HMCN2: variants seen among roughly 807,000 people sequenced by gnomAD.
HMCN2 encodes the protein hemicentin 2.
HMCN2 carries 325 observed loss-of-function variants against 377.5 expected under a neutral mutation model. That is an observed-to-expected ratio of 0.86 (90% CI 0.79 to 0.94). The LOEUF (loss-of-function observed/expected upper bound fraction) is 0.94. Ranked by LOEUF, HMCN2 falls within the 40% of genes least tolerant of loss-of-function variation. The pLI, the probability that HMCN2 is intolerant of heterozygous loss-of-function variation, is 0.00. For synonymous variants in HMCN2, 2,007 were observed against 2,046.8 expected (o/e 0.98, Z 0.53); for missense variants, 4,543 against 4,725.3 (o/e 0.96, Z 1.13).
Position 130,383,551 on chromosome 9 carries a change from C to G in HMCN2, c.8781C>G (p.Ala2927=). 1 of 986,012 alleles carries G rather than the reference C, an allele frequency of 1.0e-6. No individual in the cohort carries two copies. Among genetic ancestry groups the G allele is most frequent in the Non-Finnish European group, 1.2e-6 (1 of 830,060 alleles). 61.1% of individuals were successfully genotyped at this position (986,012 alleles called of 1,614,324 possible). Residue 2927 remains alanine (A), a synonymous_variant, in exon 57 of 98, where the codon GCC becomes GCG. Transcript: ENST00000683500. Reference sequence around the variant, plus strand: ...ACGCCGCCAGCTACATGTGTGTGGCCGAGAACCAGGCGGGCTCCGCTGAGA... The same window carrying G: ...ACGCCGCCAGCTACATGTGTGTGGCGGAGAACCAGGCGGGCTCCGCTGAGA... ...VADAASYMCV[A]ENQAGSAEKL...
chr9:130,289,626 A>G (rs1835630586), intron 4 of HMCN2, among the ~76,000 whole-genome samples: 1 of 152,030 alleles, frequency 6.6e-6, no homozygotes, highest in Non-Finnish European at 1.5e-5. Context: ...GGGAGAGAGG[A>G]AGCCCTTGGT....
chr9:130,349,050 G>A lies in HMCN2; in HGVS notation c.4222G>A (p.Glu1408Lys). 1 of 1,304,222 alleles carries A rather than the reference G, an allele frequency of 7.7e-7. No homozygotes were observed. Among genetic ancestry groups the A allele is most frequent in the Non-Finnish European group, 1.0e-6 (1 of 988,920 alleles). 80.8% of individuals were successfully genotyped at this position (1,304,222 alleles called of 1,614,324 possible). A position where few individuals can be genotyped will look rare whatever the true frequency, so the allele number is the denominator to read the frequency against. Residue 1408 changes from glutamate (E) to lysine (K), a missense_variant, in exon 28 of 98, where the codon GAG becomes AAG. Coordinates refer to ENST00000683500, the MANE Select transcript of HMCN2 (RefSeq NM_001291815.2). Reference sequence around the variant, plus strand: ...GTCCCTCCACTTCCCCAGGATCCAGGAGGGTGATTCTGGGCTCTACTCCTG... The same window carrying A: ...GTCCCTCCACTTCCCCAGGATCCAGAAGGGTGATTCTGGGCTCTACTCCTG... ...GQSLHFPRIQEGDSGLYSCRA... is the reference protein window; with the variant it reads ...GQSLHFPRIQKGDSGLYSCRA...
At chr9:130,278,437 T>C (rs1334544228) in intron 1 of HMCN2, among the ~76,000 whole-genome samples, 2 of 151,830 alleles carry the variant, frequency 1.3e-5, no homozygotes, top group African/African-American at 2.4e-5. Context: ...ATCATTGTTT[T>C]TGGAGGCAGT....
In HMCN2 at chr9:130,349,032, C is replaced by T. The variant is rs1244120586; in HGVS notation, c.4204C>T (p.His1402Tyr). Residue 1402 changes from histidine (H) to tyrosine (Y), a missense_variant, in exon 28 of 98, where the codon CAC (histidine) becomes TAC (tyrosine). This residue lies in a region of HMCN2 where 1,032 missense variants were observed against 1,285.1 expected (regional missense o/e 0.80). Coordinates refer to ENST00000683500, the MANE Select transcript of HMCN2 (RefSeq NM_001291815.2). ...HRLLDEGQSL[H>Y]FPRIQEGDSG... ...CCTCCTGGACGAGGGCCAGTCCCTC[C>T]ACTTCCCCAGGATCCAGGAGGGTGA... The T allele has an allele frequency of 1.5e-6, 2 of 1,304,130 alleles. No individual in the cohort carries two copies. Among genetic ancestry groups the T allele is most frequent in the Admixed American group, 2.3e-5 (1 of 43,554 alleles). 80.8% of individuals were successfully genotyped at this position (1,304,130 alleles called of 1,614,324 possible). A position where few individuals can be genotyped will look rare whatever the true frequency, so the allele number is the denominator to read the frequency against.
chr9:130,270,435 C>T (rs1195829161), intron 1 of HMCN2, among the ~76,000 whole-genome samples: 5 of 147,740 alleles, frequency 3.4e-5, no homozygotes, highest in African/African-American at 7.3e-5. Context: ...GGCTCAGTGG[C>T]TCACACTTGT....
intron 1 of HMCN2, among the ~76,000 whole-genome samples, chr9:130,278,905 T>TC (rs1193137317): frequency 1.3e-5 from 2 of 150,274 alleles, no homozygotes; most frequent in Non-Finnish European, 3.0e-5. Flanking sequence ...CTTTTTCTTT[T>TC]TTTTTTTTTT....
intron 4 of HMCN2, among the ~76,000 whole-genome samples, 193 bp from the exon 5 acceptor site, chr9:130,294,662 T>C (rs1588188872): frequency 1.3e-5 from 2 of 152,264 alleles, no homozygotes; most frequent in East Asian, 3.9e-4. Flanking sequence ...TCCGAATGCC[T>C]CAATTCAGGC....
At position 130,343,165 on chromosome 9, in the gene HMCN2, C is replaced by T. The variant is rs1287375780; in HGVS notation, c.3829+729C>T. Among the ~76,000 whole-genome samples, 5 of 152,176 alleles carry T rather than the reference C, an allele frequency of 3.3e-5. No individual in the cohort carries two copies. The East Asian group carries it at 9.6e-4, about 29-fold the overall frequency. The stretch of plus-strand genomic sequence containing the variant: ...TCTGCCTTTTTGTGAACCCCACGGC[C>T]CCACCCAGAAGATCCCTCCTCAGCC... On this transcript the variant is annotated intron_variant, in intron 25 of 97. Coordinates refer to ENST00000683500, the MANE Select transcript of HMCN2 (RefSeq NM_001291815.2).
Position 130,354,860 on chromosome 9 carries a change from G to A in HMCN2, c.4962G>A (p.Pro1654=), listed in dbSNP as rs1003728999. ...TGGAGTGCGTGGCCAGAGGCCACCC[G>A]TCCCCCACCCTCTCCTGGCACCACG... is the stretch of plus-strand genomic sequence containing the variant. The part of the protein sequence containing the change: ...VALECVARGH[P]SPTLSWHHEG... Residue 1654 remains proline (P), a synonymous_variant, in exon 32 of 98, where the codon CCG becomes CCA. Transcript: ENST00000683500. 39 of 1,304,142 alleles carry A rather than the reference G, an allele frequency of 3.0e-5. No homozygotes were observed. Among genetic ancestry groups the A allele is most frequent in the African/African-American group, 1.5e-4 (10 of 65,878 alleles). 80.8% of individuals were successfully genotyped at this position (1,304,142 alleles called of 1,614,324 possible).
Position 130,347,681 on chromosome 9 carries a change from A to G in HMCN2, c.4024+321A>G, listed in dbSNP as rs977945262. ...GTATGGGGGAAGCACCTGGAATTCC[A>G]TCAGTGTCTTTGAGATTGGTCTAGA... is the stretch of plus-strand genomic sequence containing the variant. On this transcript the variant is annotated intron_variant, in intron 26 of 97. Coordinates refer to ENST00000683500, the MANE Select transcript of HMCN2 (RefSeq NM_001291815.2). The surrounding 1 kb of genome is among the most constrained non-coding windows in gnomAD (Gnocchi z 5.1). 6.6e-6 allele frequency among the ~76,000 whole-genome samples: 1 copy of G among 152,062 alleles called. No individual in the cohort carries two copies. Among genetic ancestry groups the G allele is most frequent in the Non-Finnish European group, 1.5e-5 (1 of 67,994 alleles).
chr9:130,429,079 GC>G, intron 93 of HMCN2: 1 of 184,204 alleles, frequency 5.4e-6, no homozygotes, highest in Admixed American at 5.5e-5. Flanking sequence ...CACCTCTGTG[GC>G]CCCCAGGGCC....
chr9:130,416,109 T>TTA lies in HMCN2; in HGVS notation c.12962-2662_12962-2661insAT, dbSNP rs927007806. On this transcript the variant is annotated intron_variant, in intron 85 of 97. Coordinates refer to ENST00000683500, the MANE Select transcript of HMCN2 (RefSeq NM_001291815.2). The stretch of plus-strand genomic sequence containing the variant: ...AAGTTCTAGAGGCTTTATTTTTTTT[T>TTA]TTTTTTTTTTTTGGAGACAGAGTCT... 1.2e-4 allele frequency among the ~76,000 whole-genome samples: 18 copies of TTA among 148,594 alleles called. No individual in the cohort carries two copies. The East Asian group carries it at 1.8e-3, about 15-fold the overall frequency.
At chr9:130,313,774 C>CTTTTTTTTT (rs1215426849) in intron 15 of HMCN2, among the ~76,000 whole-genome samples, 2 of 81,558 alleles carry the variant, frequency 2.5e-5, no homozygotes, top group African/African-American at 4.8e-5. Flanking sequence ...TGTGTGTCCT[C>CTTTTTTTTT]TTTTTTTTTT....
intron 15 of HMCN2, among the ~76,000 whole-genome samples, chr9:130,315,968 G>A (rs1023124166): frequency 4.6e-5 from 7 of 152,182 alleles, no homozygotes; most frequent in African/African-American, 1.4e-4. Flanking sequence ...TGGGGCTCAG[G>A]CTTCAACATA....
chr9:130,307,043 CG>C, intron 13 of HMCN2, 105 bp downstream of exon 13: 1 of 373,790 alleles, frequency 2.7e-6, no homozygotes, highest in Non-Finnish European at 5.6e-6. Flanking sequence ...TGTCACGCAC[CG>C]GGGACACGGC....
At chr9:130,378,766 C>T (rs945265097) in intron 53 of HMCN2, among the ~76,000 whole-genome samples, 6 of 152,154 alleles carry the variant, frequency 3.9e-5, no homozygotes. Context: ...AGTCCTCTAG[C>T]TCTGGCTCTG....
At position 130,410,650 on chromosome 9, in the gene HMCN2, AGAGT is replaced by A. The variant is rs1843360077; in HGVS notation, c.12961+3_12961+6del. On this transcript the variant is annotated splice_donor_variant and coding_sequence_variant, in exon 85 of 98. Transcript: ENST00000683500. LOFTEE classifies it high-confidence loss of function. Reference sequence around the variant, plus strand: ...AAGAAAGTGGTGATCCTCGTCCTGCAGAGTGAGTCTCGGCCTCAGCAGAGTGGGG... The same window carrying A: ...AAGAAAGTGGTGATCCTCGTCCTGCAGAGTCTCGGCCTCAGCAGAGTGGGG... 6.4e-7 allele frequency: 1 copy of A among 1,550,458 alleles called. No homozygotes were observed. The highest frequency in any genetic ancestry group is 1.4e-5 in the African/African-American group (1 of 73,052).
In HMCN2 at chr9:130,387,312, G is replaced by A. The variant is rs566158773; in HGVS notation, c.9391+788G>A. Among the ~76,000 whole-genome samples, 3 of 152,308 alleles carry A rather than the reference G, an allele frequency of 2.0e-5. No homozygotes were observed. The East Asian group carries it at 5.8e-4, about 29-fold the overall frequency. ...AAAATATAGTTGAGTAAATGAGAGA[G>A]TTTAACTCTTATTCAAAAGCCCAGA... On this transcript the variant is annotated intron_variant, in intron 61 of 97. Coordinates refer to ENST00000683500, the MANE Select transcript of HMCN2 (RefSeq NM_001291815.2).
chr9:130,390,400 C>A (rs1842251759), intron 62 of HMCN2, among the ~76,000 whole-genome samples: 1 of 152,208 alleles, frequency 6.6e-6, no homozygotes, highest in Non-Finnish European at 1.5e-5. Flanking sequence ...GATTCCCAGG[C>A]TCTGCGCTGG....
Sources: allele counts gnomAD v4.1 joint callset (sites outside exome capture counted in the v4.1 genomes callset), GRCh38; gene constraint gnomAD v4.1.1; regional missense constraint gnomAD v4.1.1; non-coding constraint Gnocchi (gnomAD v3.1); transcripts MANE v1.5; gene names NCBI Gene and HGNC (gene_info 2026-07-23, HGNC 2026-07-21).